The following CLVS1 variants were observed in gnomAD, a reference collection of about 807,000 sequenced individuals.
CLVS1 encodes the protein clavesin 1, also known as clavesin-1.
Under a neutral mutation model 33.1 loss-of-function variants are expected in CLVS1, and 10 were observed. The observed-to-expected ratio is 0.30, with a 90% CI of 0.19 to 0.51. CLVS1 has a LOEUF of 0.51. Among genes scored for constraint, CLVS1 ranks in the 20% least tolerant of loss-of-function variants. The pLI is 0.97. For missense variants in CLVS1, 343 were observed against 433.4 expected, an observed-to-expected ratio of 0.79 and a Z score of 1.85; for synonymous variants, 163 against 166.1, an observed-to-expected ratio of 0.98 and a Z score of 0.14.
rs546533771 is a variant in CLVS1 at position 61,115,605 on chromosome 8, A to T, written c.-242-16165A>T. ...TGTTCTCATTGTTCAATTCCCACCTATGAGTGAGAATATGCGGTGTTTGGT... is the reference window on the plus strand; with the variant it reads ...TGTTCTCATTGTTCAATTCCCACCTTTGAGTGAGAATATGCGGTGTTTGGT... On this transcript the variant is annotated intron_variant, in intron 1 of 2. Transcript: ENST00000522621. Among the ~76,000 whole-genome samples, 9 of 151,386 alleles carry T rather than the reference A, an allele frequency of 5.9e-5. No individual in the cohort carries two copies. The South Asian group carries it at 1.9e-3, about 32-fold the overall frequency.
chr8:61,351,116 G>C (rs1812438791), intron 2 of CLVS1, among the ~76,000 whole-genome samples: 1 of 152,034 alleles, frequency 6.6e-6, no homozygotes. Flanking sequence ...ATCCCACATA[G>C]TAGGAGCATC....
At chr8:61,190,964 A>G (rs536964196) in intron 2 of CLVS1, among the ~76,000 whole-genome samples, 2 of 152,342 alleles carry the variant, frequency 1.3e-5, no homozygotes, top group African/African-American at 4.8e-5. Context: ...AGCTGGTACC[A>G]TTCCCTCTGA....
At chr8:61,068,974 C>CT (rs918464141) in intron 1 of CLVS1, among the ~76,000 whole-genome samples, 4 of 148,988 alleles carry the variant, frequency 2.7e-5, no homozygotes, top group African/African-American at 7.4e-5. Context: ...CTGAGGAATT[C>CT]TTTTTTTTTT....
chr8:61,438,497 G>A (rs926413016), intron 3 of CLVS1, among the ~76,000 whole-genome samples: 6 of 152,144 alleles, frequency 3.9e-5, no homozygotes, highest in African/African-American at 9.7e-5. Flanking sequence ...ATACAAGTAC[G>A]TGTATCTTTA....
intron 1 of CLVS1, among the ~76,000 whole-genome samples, chr8:61,109,826 C>T (rs900490485): frequency 5.3e-5 from 8 of 152,140 alleles, no homozygotes; most frequent in South Asian, 2.1e-4. Context: ...TGAGATAGTA[C>T]GTTAGCACTC....
chr8:61,148,159 A>G lies in CLVS1; in HGVS notation c.-152+16299A>G, dbSNP rs185202771. ...TTCTTTGGGTCCTGAATGAATGTATATGGTGTACTTGAATTTCAGCAAGAT... is the reference window on the plus strand; with the variant it reads ...TTCTTTGGGTCCTGAATGAATGTATGTGGTGTACTTGAATTTCAGCAAGAT... On this transcript the variant is annotated intron_variant, in intron 2 of 2. Transcript: ENST00000522621. Among the ~76,000 whole-genome samples, 40 of 152,328 alleles carry G rather than the reference A, an allele frequency of 2.6e-4. No individual in the cohort carries two copies. The East Asian group carries it at 6.9e-3, about 26-fold the overall frequency.
chr8:61,126,426 C>T (rs979733719), intron 1 of CLVS1, among the ~76,000 whole-genome samples: 2 of 152,160 alleles, frequency 1.3e-5, no homozygotes, highest in Admixed American at 6.5e-5. Context: ...TAGCATCTTG[C>T]CTGGCACGTA....
intron 3 of CLVS1, among the ~76,000 whole-genome samples, chr8:61,394,938 T>C (rs1814462645): frequency 6.6e-6 from 1 of 152,234 alleles, no homozygotes; most frequent in Non-Finnish European, 1.5e-5. Flanking sequence ...AATAGAGATG[T>C]TGAGCATTTT....
chr8:61,231,173 G>A (rs891915507), intron 2 of CLVS1, among the ~76,000 whole-genome samples: 7 of 152,154 alleles, frequency 4.6e-5, no homozygotes, highest in Non-Finnish European at 1.0e-4. Context: ...CCATGAGCCA[G>A]CCAGGCCAAT....
At position 61,288,089 on chromosome 8, in the gene CLVS1, G is replaced by A. The variant is rs1809833749; in HGVS notation, c.-201G>A. ...CTCACCCACCCAGTTCAGCAGCGAG[G>A]ACACCTGCAGAAATACATTCCCAAA... On this transcript the variant is annotated 5_prime_UTR_variant, in exon 1 of 6. Transcript: ENST00000325897. 2.2e-6 allele frequency: 1 copy of A among 456,242 alleles called. No individual in the cohort carries two copies. Among genetic ancestry groups the A allele is most frequent in the Non-Finnish European group, 4.4e-6 (1 of 226,950 alleles). The allele number at this position is 456,242 out of a possible 1,614,324, so 28.3% of individuals were successfully genotyped here. A position where few individuals can be genotyped will look rare whatever the true frequency, so the allele number is the denominator to read the frequency against.
the CLVS1 span, among the ~76,000 whole-genome samples, chr8:60,993,372 C>T: frequency 2.2e-4 from 34 of 152,328 alleles, no homozygotes; most frequent in African/African-American, 7.0e-4. Flanking sequence ...GCTCTAGCAC[C>T]GGGCACTCTA....
At chr8:61,357,489 C>CTTTTGTTTTTTTTTTT (rs1462908906) in intron 2 of CLVS1, among the ~76,000 whole-genome samples, 1 of 30,268 alleles carries the variant, frequency 3.3e-5, no homozygotes, top group Admixed American at 3.7e-4. Flanking sequence ...TTTCCTTTTT[C>CTTTTGTTTTTTTTTTT]TTTTCTTTTT....
chr8:61,084,054 A>G (rs573287766), intron 1 of CLVS1, among the ~76,000 whole-genome samples: 82 of 152,348 alleles, frequency 5.4e-4, no homozygotes, highest in Middle Eastern at 3.4e-3. Flanking sequence ...TATGCTAGAA[A>G]ATGGGGTAAA....
At chr8:61,186,731 C>A (rs180930055) in intron 2 of CLVS1, among the ~76,000 whole-genome samples, 8 of 152,208 alleles carry the variant, frequency 5.3e-5, no homozygotes, top group Admixed American at 4.6e-4. Context: ...AAAATAGTTA[C>A]AACAGATGCC....
chr8:61,446,216 C>G (rs1320151831), intron 3 of CLVS1, among the ~76,000 whole-genome samples: 1 of 151,986 alleles, frequency 6.6e-6, no homozygotes, highest in Non-Finnish European at 1.5e-5. Context: ...TTTTGCTCTT[C>G]TCTTTCCAAG....
At chr8:61,219,613 G>T (rs1242514916) in intron 2 of CLVS1, among the ~76,000 whole-genome samples, 2 of 152,202 alleles carry the variant, frequency 1.3e-5, no homozygotes, top group Non-Finnish European at 2.9e-5. Context: ...AAACATATGT[G>T]TGTATGTGTC....
At chr8:60,992,682 G>A in the CLVS1 span, among the ~76,000 whole-genome samples, 3 of 152,190 alleles carry the variant, frequency 2.0e-5, no homozygotes, top group African/African-American at 4.8e-5. Flanking sequence ...CTCCATGGAG[G>A]TATCTACAAG....
chr8:61,017,274 T>G, the CLVS1 span, among the ~76,000 whole-genome samples: 1 of 152,226 alleles, frequency 6.6e-6, no homozygotes, highest in Non-Finnish European at 1.5e-5. Flanking sequence ...TTGAAGGAAA[T>G]TAAATCCATG....
At chr8:61,223,285 T>C (rs1455533695) in intron 2 of CLVS1, among the ~76,000 whole-genome samples, 3 of 152,148 alleles carry the variant, frequency 2.0e-5, no homozygotes, top group Non-Finnish European at 4.4e-5. Context: ...TTGGTCTTTA[T>C]ATTTTGGTGT....
Sources: gnomAD v4.1 joint callset for allele counts (sites outside exome capture counted in the v4.1 genomes callset) on GRCh38, gnomAD v4.1.1 for gene constraint, MANE v1.5 for transcripts, NCBI Gene and HGNC (gene_info 2026-07-23, HGNC 2026-07-21) for gene names.